Variants in CSMD1 observed in about 807,000 individuals in gnomAD.
The protein encoded by CSMD1 is CUB and sushi domain-containing protein 1.
A neutral mutation model predicts 417.5 loss-of-function variants in CSMD1; 213 were observed. The observed-to-expected ratio is 0.51, with a 90% CI of 0.46 to 0.57. The LOEUF (loss-of-function observed/expected upper bound fraction) is 0.57. CSMD1 is among the 20% of genes least tolerant of loss of function. The probability of loss-of-function intolerance (pLI) is 0.00; values close to 1 mark genes in which losing one functional copy is unlikely to be tolerated. For synonymous variants in CSMD1, 2,862 were observed against 1,736.8 expected, an observed-to-expected ratio of 1.65 and a Z score of -16.11; for missense variants, 6,923 against 4,529.7, an observed-to-expected ratio of 1.53 and a Z score of -15.17.
At chr8:3,544,779 G>C (rs965170728) in intron 10 of CSMD1, among the ~76,000 whole-genome samples, 3 of 152,060 alleles carry the variant, frequency 2.0e-5, no homozygotes, top group African/African-American at 4.8e-5. Context: ...TAGAAATGTT[G>C]TTTGCTTTTC....
intron 1 of CSMD1, among the ~76,000 whole-genome samples, chr8:4,701,369 G>A (rs1437972815): frequency 6.9e-6 from 1 of 145,488 alleles, no homozygotes; most frequent in Non-Finnish European, 1.5e-5. Context: ...TGTTTATCTT[G>A]CCAGGCACCT....
chr8:3,397,909 C>T (rs887488885), intron 16 of CSMD1, among the ~76,000 whole-genome samples: 2 of 152,100 alleles, frequency 1.3e-5, no homozygotes, highest in Non-Finnish European at 2.9e-5. Flanking sequence ...GTCAGCCCAT[C>T]GGTCATGGTG....
At chr8:4,665,565 C>T (rs775183416) in intron 1 of CSMD1, among the ~76,000 whole-genome samples, 3 of 152,160 alleles carry the variant, frequency 2.0e-5, no homozygotes, top group Non-Finnish European at 4.4e-5. Context: ...TGATTTCCAT[C>T]TCTGTAGCTT....
At chr8:3,745,444 A>C (rs1797020859) in intron 6 of CSMD1, among the ~76,000 whole-genome samples, 1 of 152,218 alleles carries the variant, frequency 6.6e-6, no homozygotes, top group African/African-American at 2.4e-5. Flanking sequence ...ACAGGTGAGT[A>C]AATGCCAACT....
intron 3 of CSMD1, among the ~76,000 whole-genome samples, chr8:4,403,002 G>T (rs1037160801): frequency 6.6e-6 from 1 of 151,172 alleles, no homozygotes; most frequent in Non-Finnish European, 1.5e-5. Flanking sequence ...TTTTGTTGTT[G>T]TTGTTTTTTT....
intron 23 of CSMD1, among the ~76,000 whole-genome samples, chr8:3,340,851 C>G (rs1807596080): frequency 1.3e-5 from 2 of 151,492 alleles, no homozygotes; most frequent in Admixed American, 6.6e-5. Flanking sequence ...TGAGGAGTCT[C>G]CGGGTTTTGC....
At chr8:3,202,768 G>A (rs1367774021) in intron 31 of CSMD1, among the ~76,000 whole-genome samples, 1 of 152,168 alleles carries the variant, frequency 6.6e-6, no homozygotes, top group Admixed American at 6.5e-5. Context: ...GTGCCCATGT[G>A]TGTATAGACA....
chr8:3,914,360 G>T (rs1463569165), intron 5 of CSMD1, among the ~76,000 whole-genome samples: 1 of 151,868 alleles, frequency 6.6e-6, no homozygotes, highest in Non-Finnish European at 1.5e-5. Context: ...GTCCCATTAC[G>T]TTGGATAGAT....
rs564387788 is a variant in CSMD1, at chr8:3,711,099, C to T, written c.932-2608G>A. ...CAAATGTTTGCTATATTTCCTATAG[C>T]AATATTTTCCCCAAAAGACAGCACT... On this transcript the variant is annotated intron_variant, in intron 6 of 69. Coordinates refer to ENST00000635120, the MANE Select transcript of CSMD1 (RefSeq NM_033225.6). Among the ~76,000 whole-genome samples the T allele has an allele frequency of 1.4e-4, 22 of 152,264 alleles. No individual in the cohort carries two copies. The Middle Eastern group carries it at 0.01, about 71-fold the overall frequency.
intron 10 of CSMD1, among the ~76,000 whole-genome samples, chr8:3,516,319 G>A (rs924881713): frequency 6.6e-6 from 1 of 152,184 alleles, no homozygotes; most frequent in Non-Finnish European, 1.5e-5. Flanking sequence ...TCCAAAGAAG[G>A]TCAACATAGC....
chr8:4,969,067 G>C (rs1289819210), intron 1 of CSMD1, among the ~76,000 whole-genome samples: 1 of 152,120 alleles, frequency 6.6e-6, no homozygotes, highest in Non-Finnish European at 1.5e-5. Context: ...CCACCATGTA[G>C]GTAAAGTGTT....
At chr8:4,399,709 A>G (rs1303305319) in intron 3 of CSMD1, among the ~76,000 whole-genome samples, 1 of 152,162 alleles carries the variant, frequency 6.6e-6, no homozygotes, top group Admixed American at 6.6e-5. Context: ...TGAAAAAAGC[A>G]GTTTTACCTT....
chr8:4,145,085 T>TA (rs1381101373), intron 3 of CSMD1, among the ~76,000 whole-genome samples: 1 of 151,206 alleles, frequency 6.6e-6, no homozygotes, highest in East Asian at 1.9e-4. Flanking sequence ...TTAAGGATGT[T>TA]AAAAATGTAA....
At chr8:4,970,488 C>A (rs556364089) in intron 1 of CSMD1, among the ~76,000 whole-genome samples, 7 of 151,998 alleles carry the variant, frequency 4.6e-5, no homozygotes, top group African/African-American at 1.7e-4. Flanking sequence ...CATTATAACC[C>A]CATTCTCATG....
intron 12 of CSMD1, among the ~76,000 whole-genome samples, chr8:3,420,065 T>C (rs181318055): frequency 8.5e-5 from 13 of 152,272 alleles, no homozygotes; most frequent in Admixed American, 7.2e-4. Flanking sequence ...TTAAGTTCTA[T>C]CTCTTTGCTA....
chr8:3,671,376 C>T (rs1431866136), intron 7 of CSMD1, among the ~76,000 whole-genome samples: 1 of 147,144 alleles, frequency 6.8e-6, no homozygotes, highest in African/African-American at 2.5e-5. Flanking sequence ...TGCCTGAAAA[C>T]TTTTATATCT....
At chr8:4,958,169 G>C (rs760847488) in intron 1 of CSMD1, among the ~76,000 whole-genome samples, 1 of 151,978 alleles carries the variant, frequency 6.6e-6, no homozygotes, top group Non-Finnish European at 1.5e-5. Context: ...ATGTTGTTTC[G>C]ATCAATTTGT....
chr8:3,174,895 A>AT (rs1388149454), intron 37 of CSMD1, among the ~76,000 whole-genome samples: 4 of 151,970 alleles, frequency 2.6e-5, no homozygotes, highest in African/African-American at 4.8e-5. Flanking sequence ...AGATATTCTT[A>AT]TTTTTTACAT....
rs1804696135 is a variant in CSMD1, at chr8:4,272,930, T to G, written c.415+147023A>C. ...TAGAAATCAAATAAGAAGTATTTTG[T>G]AAGAAAGGAAATTAGTTCACAATAT... On this transcript the variant is annotated intron_variant, in intron 3 of 69. Coordinates refer to ENST00000635120, the MANE Select transcript of CSMD1 (RefSeq NM_033225.6). Among the ~76,000 whole-genome samples, 5 of 152,184 alleles carry G rather than the reference T, an allele frequency of 3.3e-5. No homozygotes were observed. The South Asian group carries it at 1.0e-3, about 31-fold the overall frequency.
Sources: allele counts gnomAD v4.1 joint callset (sites outside exome capture counted in the v4.1 genomes callset), GRCh38; gene constraint gnomAD v4.1.1; transcripts MANE v1.5; gene names NCBI Gene and HGNC (gene_info 2026-07-23, HGNC 2026-07-21).